The following GTF2IRD1 variants were observed in gnomAD, a reference collection of about 807,000 sequenced individuals.
GTF2IRD1 encodes GTF2I repeat domain containing 1, also known as general transcription factor II-I repeat domain-containing protein 1.
In GTF2IRD1, 26 loss-of-function variants were observed where a neutral mutation model predicts 113.2. The observed-to-expected ratio is 0.23, with a 90% CI of 0.17 to 0.32. The LOEUF (loss-of-function observed/expected upper bound fraction) is 0.32. GTF2IRD1 is among the 10% of genes least tolerant of loss of function. The pLI, the probability that GTF2IRD1 is intolerant of heterozygous loss-of-function variation, is 1.00. For missense variants in GTF2IRD1, 864 were observed against 1,280.8 expected (o/e 0.67, Z 4.97); for synonymous variants, 484 against 529.1 (o/e 0.91, Z 1.17).
At position 74,520,769 on chromosome 7, in the gene GTF2IRD1, C is replaced by CAA. The variant is rs1156355118; in HGVS notation, c.917-419_917-418dup. ...TAACATAGCAAGATCCTATCTCTACCAAAAAAAAAAAAAAAAAAAAAGCGT... is the reference window on the plus strand; with the variant it reads ...TAACATAGCAAGATCCTATCTCTACCAAAAAAAAAAAAAAAAAAAAAAAGCGT... On this transcript the variant is annotated intron_variant, in intron 6 of 26. Coordinates refer to ENST00000424337, the MANE Select transcript of GTF2IRD1 (RefSeq NM_005685.4). 1.5e-3 allele frequency among the ~76,000 whole-genome samples: 75 copies of CAA among 48,488 alleles called. 1 individual carries two copies. Among genetic ancestry groups the CAA allele is most frequent in the African/African-American group, 5.6e-3 (70 of 12,456 alleles). The allele number at this position is 48,488 out of a possible 152,430, so 31.8% of individuals were successfully genotyped here.
intron 1 of GTF2IRD1, among the ~76,000 whole-genome samples, chr7:74,470,801 A>G (rs1217989899): frequency 2.0e-5 from 3 of 151,944 alleles, no homozygotes; most frequent in African/African-American, 4.8e-5. Context: ...AGTTCTGTTC[A>G]TATGTGGGGT....
chr7:74,500,642 G>A (rs1014294551), intron 1 of GTF2IRD1, among the ~76,000 whole-genome samples: 17 of 152,164 alleles, frequency 1.1e-4, no homozygotes, highest in African/African-American at 3.1e-4. Flanking sequence ...TGCATCACGT[G>A]TGTGGTCTTT....
intron 9 of GTF2IRD1, among the ~76,000 whole-genome samples, chr7:74,531,475 T>C (rs1797961766): frequency 6.6e-6 from 1 of 152,272 alleles, no homozygotes; most frequent in African/African-American, 2.4e-5. Context: ...CTTAGAACAG[T>C]GGCTACAGCT....
chr7:74,487,273 G>A (rs1302145446), intron 1 of GTF2IRD1, among the ~76,000 whole-genome samples: 1 of 152,200 alleles, frequency 6.6e-6, no homozygotes, highest in Non-Finnish European at 1.5e-5. Flanking sequence ...CCGGACCTCA[G>A]GTTATCGACC....
chr7:74,496,479 G>A (rs1451642831), intron 1 of GTF2IRD1, among the ~76,000 whole-genome samples: 2 of 134,414 alleles, frequency 1.5e-5, no homozygotes, highest in African/African-American at 6.3e-5. Flanking sequence ...ATGTGGGTGT[G>A]CACGTATGTG....
intron 7 of GTF2IRD1, among the ~76,000 whole-genome samples, chr7:74,522,299 T>C (rs782819377): frequency 6.7e-5 from 10 of 150,234 alleles, no homozygotes; most frequent in African/African-American, 2.5e-4. Context: ...GGCCTGAGTG[T>C]AGGAAAGTTT....
intron 7 of GTF2IRD1, among the ~76,000 whole-genome samples, chr7:74,522,582 G>A (rs1279584901): frequency 6.6e-6 from 1 of 152,090 alleles, no homozygotes; most frequent in Non-Finnish European, 1.5e-5. Context: ...GGATCAGAAT[G>A]GAGGACCCTC....
chr7:74,555,254 T>A lies in GTF2IRD1; in HGVS notation c.1966+31T>A. Reference sequence around the variant, plus strand: ...CAGCGCGGGGTCGGGAGCCATGGTGTGGGCGGGCAAGGGAGGGCCCCAGGC... The same window carrying A: ...CAGCGCGGGGTCGGGAGCCATGGTGAGGGCGGGCAAGGGAGGGCCCCAGGC... On this transcript the variant is annotated intron_variant, in intron 18 of 26. Coordinates refer to ENST00000424337, the MANE Select transcript of GTF2IRD1 (RefSeq NM_005685.4). The surrounding 1 kb of genome is among the most constrained non-coding windows in gnomAD (Gnocchi z 5.3). 1 of 1,606,818 alleles carries A rather than the reference T, an allele frequency of 6.2e-7. No individual in the cohort carries two copies. Among genetic ancestry groups the A allele is most frequent in the Non-Finnish European group, 8.5e-7 (1 of 1,174,850 alleles).
At chr7:74,480,732 G>A (rs1042138384) in intron 1 of GTF2IRD1, among the ~76,000 whole-genome samples, 2 of 152,204 alleles carry the variant, frequency 1.3e-5, no homozygotes, top group African/African-American at 4.8e-5. Flanking sequence ...CCTGGACCCC[G>A]CATACTGCCG....
rs1462891662 is a variant in GTF2IRD1 at position 74,560,481 on chromosome 7, A to T, written c.2320+826A>T. Among the ~76,000 whole-genome samples, 10 of 147,290 alleles carry T rather than the reference A, an allele frequency of 6.8e-5. No individual in the cohort carries two copies. In the East Asian group the frequency reaches 7.8e-4, roughly 11 times the overall value. On this transcript the variant is annotated intron_variant, in intron 22 of 26. Coordinates refer to ENST00000424337, the MANE Select transcript of GTF2IRD1 (RefSeq NM_005685.4). ...ATAATAAAATATATACATAATAAAAAATATATATAATAAAAATATTATATA... is the reference window on the plus strand; with the variant it reads ...ATAATAAAATATATACATAATAAAATATATATATAATAAAAATATTATATA...
chr7:74,555,111 G>C lies in GTF2IRD1; in HGVS notation c.1917-63G>C. The C allele has an allele frequency of 6.8e-7, 1 of 1,476,376 alleles. No homozygotes were observed. Among genetic ancestry groups the C allele is most frequent in the Non-Finnish European group, 9.4e-7 (1 of 1,063,754 alleles). 91.5% of individuals were successfully genotyped at this position (1,476,376 alleles called of 1,614,324 possible). ...TGTGTAGACTGAGGCCCAGAGAGGA[G>C]GGCTGAGCAGTCCCAGAGATGCTTG... is the stretch of plus-strand genomic sequence containing the variant. On this transcript the variant is annotated intron_variant, in intron 17 of 26. Transcript: ENST00000424337. The surrounding 1 kb of genome is among the most constrained non-coding windows in gnomAD (Gnocchi z 5.3).
chr7:74,518,004 A>G, intron 4 of GTF2IRD1, 135 bp from the exon 5 acceptor site: 1 of 511,756 alleles, frequency 2.0e-6, no homozygotes, highest in Non-Finnish European at 3.4e-6. Context: ...CAAAGTCTGC[A>G]GTTATGAGGG....
In GTF2IRD1 at chr7:74,538,193, G is replaced by C; in HGVS notation, c.1447+20G>C. 6.2e-7 allele frequency: 1 copy of C among 1,610,714 alleles called. No individual in the cohort carries two copies. The highest frequency in any genetic ancestry group is 8.5e-7 in the Non-Finnish European group (1 of 1,178,144). ...GGCCAGGTGAGAAGGAACAGGGCCC[G>C]CTGTGTGTGTGGTGGGCCGGGAGGG... On this transcript the variant is annotated intron_variant, in intron 12 of 26. Transcript: ENST00000424337.
chr7:74,462,807 C>G (rs929015201), intron 1 of GTF2IRD1, among the ~76,000 whole-genome samples: 1 of 152,254 alleles, frequency 6.6e-6, no homozygotes, highest in Non-Finnish European at 1.5e-5. Context: ...TCTGGTGACT[C>G]ATACTGTGAG....
At position 74,526,809 on chromosome 7, in the gene GTF2IRD1, G is replaced by C. The variant is rs781383248; in HGVS notation, c.1090+2655G>C. Among the ~76,000 whole-genome samples, 284 of 152,286 alleles carry C rather than the reference G, an allele frequency of 1.9e-3. 1 individual carries two copies. Among genetic ancestry groups the C allele is most frequent in the Non-Finnish European group, 3.3e-3 (227 of 68,010 alleles). ...TGCTGATGTGGGAGGTGGGGGGGAA[G>C]TGGGGAGAGATGCTTTGCCAGCTGT... On this transcript the variant is annotated intron_variant, in intron 8 of 26. Transcript: ENST00000424337.
At chr7:74,526,173 A>G (rs184006136) in intron 8 of GTF2IRD1, among the ~76,000 whole-genome samples, 18 of 152,378 alleles carry the variant, frequency 1.2e-4, no homozygotes, top group African/African-American at 4.1e-4. Context: ...TGCCCAGGCC[A>G]GTGTTCTGGC....
intron 1 of GTF2IRD1, among the ~76,000 whole-genome samples, chr7:74,490,602 G>C (rs1451789866): frequency 2.1e-5 from 3 of 142,414 alleles, no homozygotes; most frequent in African/African-American, 7.8e-5. Flanking sequence ...GTTCTCTCAA[G>C]CTTCTTTTTC....
At chr7:74,462,282 T>C (rs1340355689) in intron 1 of GTF2IRD1, among the ~76,000 whole-genome samples, 1 of 152,178 alleles carries the variant, frequency 6.6e-6, no homozygotes, top group Non-Finnish European at 1.5e-5. Flanking sequence ...GGCAGGAGGA[T>C]TGCTTGACCC....
chr7:74,475,518 C>T (rs1209343055), intron 1 of GTF2IRD1, among the ~76,000 whole-genome samples: 1 of 152,182 alleles, frequency 6.6e-6, no homozygotes, highest in African/African-American at 2.4e-5. Flanking sequence ...AGGGGCTGCC[C>T]TGCCATCTGT....
Sources: allele counts gnomAD v4.1 joint callset (sites outside exome capture counted in the v4.1 genomes callset), GRCh38; gene constraint gnomAD v4.1.1; non-coding constraint Gnocchi (gnomAD v3.1); transcripts MANE v1.5; gene names NCBI Gene and HGNC (gene_info 2026-07-23, HGNC 2026-07-21).